Variants in CTNND2 observed in about 807,000 individuals in gnomAD.
The protein encoded by CTNND2 is catenin delta 2, also known as catenin delta-2.
In CTNND2, 22 loss-of-function variants were observed where a neutral mutation model predicts 144.4. The ratio of observed to expected loss-of-function variants is 0.15; its 90% confidence interval spans 0.11 to 0.22. The LOEUF (loss-of-function observed/expected upper bound fraction) is 0.22. CTNND2 is among the 10% of genes least tolerant of loss of function. The pLI, the probability that CTNND2 is intolerant of heterozygous loss-of-function variation, is 1.00. For missense variants in CTNND2, 1,353 were observed against 1,618.8 expected (o/e 0.84, Z 2.82); for synonymous variants, 751 against 695.6 (o/e 1.08, Z -1.25).
intron 16 of CTNND2, among the ~76,000 whole-genome samples, chr5:11,070,339 T>C (rs1186056316): frequency 6.6e-6 from 1 of 152,132 alleles, no homozygotes; most frequent in Non-Finnish European, 1.5e-5. Flanking sequence ...ATTTATATAA[T>C]GCCTTTATAA....
chr5:11,806,702 C>A (rs1284298104), intron 1 of CTNND2, among the ~76,000 whole-genome samples: 1 of 152,052 alleles, frequency 6.6e-6, no homozygotes, highest in Non-Finnish European at 1.5e-5. Flanking sequence ...CTTATGTGCA[C>A]ATTGGGGAAA....
intron 3 of CTNND2, among the ~76,000 whole-genome samples, chr5:11,468,254 G>A (rs1342707824): frequency 2.0e-5 from 3 of 152,176 alleles, no homozygotes; most frequent in Admixed American, 6.5e-5. Context: ...CCTTGGTATC[G>A]CAGTCCTTAA....
intron 21 of CTNND2, among the ~76,000 whole-genome samples, chr5:10,981,119 G>A (rs188158942): frequency 1.7e-4 from 26 of 152,178 alleles, no homozygotes; most frequent in Admixed American, 6.5e-4. Context: ...GCACACAAGC[G>A]CATCTAATTA....
At chr5:11,253,632 G>A (rs1177090933) in intron 9 of CTNND2, among the ~76,000 whole-genome samples, 1 of 152,100 alleles carries the variant, frequency 6.6e-6, no homozygotes, top group Non-Finnish European at 1.5e-5. Context: ...ACCCAGTCTT[G>A]GGTATGTCTT....
chr5:11,521,688 C>G (rs922539624), intron 3 of CTNND2, among the ~76,000 whole-genome samples: 3 of 152,196 alleles, frequency 2.0e-5, no homozygotes, highest in South Asian at 4.1e-4. Flanking sequence ...GTGTTGGTCA[C>G]ATATTATCTT....
intron 1 of CTNND2, among the ~76,000 whole-genome samples, chr5:11,829,400 G>A (rs1793766971): frequency 1.3e-5 from 2 of 152,140 alleles, no homozygotes; most frequent in South Asian, 4.1e-4. Context: ...GGTTTTCTGG[G>A]CCAGGCCCAG....
intron 18 of CTNND2, among the ~76,000 whole-genome samples, chr5:11,016,460 A>T (rs2149530366): frequency 1.3e-5 from 2 of 152,320 alleles, no homozygotes; most frequent in East Asian, 3.9e-4. Flanking sequence ...TGCTTAGAAA[A>T]ATACAAATTT....
intron 1 of CTNND2, among the ~76,000 whole-genome samples, chr5:11,759,013 TTAAAA>T (rs1314273388): frequency 6.6e-6 from 1 of 152,042 alleles, no homozygotes; most frequent in Admixed American, 6.6e-5. Context: ...TTAAACAAAT[TTAAAA>T]TAAAACAAGA....
intron 2 of CTNND2, among the ~76,000 whole-genome samples, chr5:11,630,918 C>T (rs1202370021): frequency 6.6e-6 from 1 of 151,328 alleles, no homozygotes; most frequent in African/African-American, 2.4e-5. Context: ...CATGCCACTG[C>T]ACCCCAGCAT....
chr5:11,822,314 T>C (rs1407812764), intron 1 of CTNND2, among the ~76,000 whole-genome samples: 1 of 152,160 alleles, frequency 6.6e-6, no homozygotes, highest in Non-Finnish European at 1.5e-5. Context: ...TATGGCACAA[T>C]AGTAATACCT....
Position 11,779,408 on chromosome 5 carries a change from A to G in CTNND2, c.38-47136T>C, listed in dbSNP as rs115201022. On this transcript the variant is annotated intron_variant, in intron 1 of 21. Coordinates refer to ENST00000304623, the MANE Select transcript of CTNND2 (RefSeq NM_001332.4). ...ATCTATTGATAACACAACAGGCACA[A>G]ACAGACAAACAGGTATGGAAGCAAG... 4.5e-3 allele frequency among the ~76,000 whole-genome samples: 679 copies of G among 152,350 alleles called. 2 individuals carry two copies. The highest frequency in any genetic ancestry group is 7.7e-3 in the Non-Finnish European group (527 of 68,032).
chr5:11,531,570 G>A (rs1384970041), intron 3 of CTNND2, among the ~76,000 whole-genome samples: 2 of 152,154 alleles, frequency 1.3e-5, no homozygotes, highest in African/African-American at 2.4e-5. Context: ...AGATTACAGT[G>A]AGCTGAGATC....
intron 1 of CTNND2, among the ~76,000 whole-genome samples, chr5:11,899,448 C>A (rs1212404357): frequency 1.3e-5 from 2 of 152,208 alleles, no homozygotes; most frequent in African/African-American, 4.8e-5. Flanking sequence ...AGCTTAACTG[C>A]TATATACTTT....
chr5:11,109,722 C>T (rs1423811013), intron 14 of CTNND2, among the ~76,000 whole-genome samples: 1 of 145,820 alleles, frequency 6.9e-6, no homozygotes, highest in Admixed American at 6.8e-5. Context: ...CCTTTATGAA[C>T]ATTATTTTTT....
chr5:11,356,680 A>G (rs539975405), intron 8 of CTNND2, among the ~76,000 whole-genome samples: 16 of 152,124 alleles, frequency 1.1e-4, no homozygotes, highest in Non-Finnish European at 1.6e-4. Context: ...AGGTAGCAAA[A>G]CCAAAAATAG....
chr5:11,710,313 T>C (rs957445321), intron 2 of CTNND2, among the ~76,000 whole-genome samples: 1 of 151,956 alleles, frequency 6.6e-6, no homozygotes, highest in African/African-American at 2.4e-5. Flanking sequence ...GAGGCTGAGG[T>C]GGGTGGATCA....
chr5:11,083,237 G>A (rs185175925), intron 15 of CTNND2, among the ~76,000 whole-genome samples: 3 of 152,324 alleles, frequency 2.0e-5, no homozygotes, highest in African/African-American at 7.2e-5. Flanking sequence ...AAATGAGAAT[G>A]GGTTGTGTGG....
At chr5:11,874,756 T>G (rs1735425415) in intron 1 of CTNND2, among the ~76,000 whole-genome samples, 1 of 152,226 alleles carries the variant, frequency 6.6e-6, no homozygotes, top group African/African-American at 2.4e-5. Context: ...AGACCACAGT[T>G]GACTGTGGAT....
Position 11,280,564 on chromosome 5 carries a change from C to A in CTNND2, c.1629-43741G>T, listed in dbSNP as rs1483862123. ...CATTAGTTCTGCGATATCAGAGCTCCACCTTTGTGACTTCATTTAATCTTA... is the reference window on the plus strand; with the variant it reads ...CATTAGTTCTGCGATATCAGAGCTCAACCTTTGTGACTTCATTTAATCTTA... On this transcript the variant is annotated intron_variant, in intron 9 of 21. Coordinates refer to ENST00000304623, the MANE Select transcript of CTNND2 (RefSeq NM_001332.4). Among the ~76,000 whole-genome samples, 4 of 152,208 alleles carry A rather than the reference C, an allele frequency of 2.6e-5. No individual in the cohort carries two copies. The East Asian group carries it at 7.7e-4, about 29-fold the overall frequency.
Sources: gnomAD v4.1 joint callset for allele counts (sites outside exome capture counted in the v4.1 genomes callset) on GRCh38, gnomAD v4.1.1 for gene constraint, MANE v1.5 for transcripts, NCBI Gene and HGNC (gene_info 2026-07-23, HGNC 2026-07-21) for gene names.